The following TMEM30A variants were observed in gnomAD, a reference collection of about 807,000 sequenced individuals.
TMEM30A encodes cell division cycle 50 P4-ATPase accessory subunit A, also known as cell cycle control protein 50A.
Under a neutral mutation model 38.2 loss-of-function variants are expected in TMEM30A, and 24 were observed. The observed-to-expected ratio is 0.63, with a 90% CI of 0.46 to 0.88. TMEM30A has a LOEUF of 0.88. Ranked by LOEUF, TMEM30A falls within the 40% of genes least tolerant of loss-of-function variation. TMEM30A has a pLI of 0.00. For missense variants in TMEM30A, 370 were observed against 458.6 expected (o/e 0.81, Z 1.77); for synonymous variants, 145 against 161.6 (o/e 0.90, Z 0.78).
chr6:75,284,660 G>C lies in TMEM30A; in HGVS notation c.-22C>G. 1.2e-6 allele frequency: 2 copies of C among 1,609,536 alleles called. No homozygotes were observed. The highest frequency in any genetic ancestry group is 2.2e-5 in the South Asian group (2 of 91,062). ...CCATCGATCCCTGGGGCGCCGCTCC[G>C]CGATTTGCAGGTGGACCACCCAGGG... On this transcript the variant is annotated 5_prime_UTR_variant, in exon 1 of 7. Coordinates refer to ENST00000230461, the MANE Select transcript of TMEM30A (RefSeq NM_018247.4).
intron 1 of TMEM30A, among the ~76,000 whole-genome samples, chr6:75,268,527 T>G (rs553265214): frequency 6.6e-6 from 1 of 152,202 alleles, no homozygotes; most frequent in Non-Finnish European, 1.5e-5. Flanking sequence ...AGCTTTCTGG[T>G]TGGTGAATCC....
chr6:75,258,536 C>G (rs1386775973), intron 6 of TMEM30A, among the ~76,000 whole-genome samples: 1 of 152,100 alleles, frequency 6.6e-6, no homozygotes, highest in Non-Finnish European at 1.5e-5. Flanking sequence ...AAAACAAGCA[C>G]CTATATTTTA....
chr6:75,284,727 T>TGCCGCCGCC lies in TMEM30A; in HGVS notation c.-98_-90dup, dbSNP rs939720541. ...CTGACAGGAACCGCTCGAGCGCCGC[T>TGCCGCCGCC]GCCGCCGCCGCCGCCGCAGCCACCA... On this transcript the variant is annotated 5_prime_UTR_variant, in exon 1 of 7. Transcript: ENST00000230461. 1.3e-5 allele frequency: 18 copies of TGCCGCCGCC among 1,354,920 alleles called. No individual in the cohort carries two copies. The highest frequency in any genetic ancestry group is 1.2e-4 in the East Asian group (5 of 40,334). 83.9% of individuals were successfully genotyped at this position (1,354,920 alleles called of 1,614,324 possible). A position where few individuals can be genotyped will look rare whatever the true frequency, so the allele number is the denominator to read the frequency against.
At chr6:75,260,131 C>T (rs867983859) in intron 4 of TMEM30A, among the ~76,000 whole-genome samples, 4 of 152,088 alleles carry the variant, frequency 2.6e-5, no homozygotes, top group South Asian at 4.1e-4. Flanking sequence ...CCAGGCCAGG[C>T]GCAGTGGCTC....
At chr6:75,267,604 G>A (rs1772091010) in intron 2 of TMEM30A, 37 bp downstream of exon 2, 1 of 1,465,496 alleles carries the variant, frequency 6.8e-7, no homozygotes, top group Non-Finnish European at 9.5e-7. Context: ...ATTTTTTAAA[G>A]CATGGCTTTT....
intron 3 of TMEM30A, among the ~76,000 whole-genome samples, chr6:75,262,273 G>C (rs538931037): frequency 3.7e-4 from 56 of 152,276 alleles, no homozygotes; most frequent in African/African-American, 1.3e-3. Flanking sequence ...CTTGAGTCCA[G>C]GAAGCAAAGG....
In TMEM30A at chr6:75,258,950, TA is replaced by T. The variant is rs745521380; in HGVS notation, c.721del (p.Tyr241ThrfsTer13). ...TKPVNWLKPV[Y>X]MLDSDPDNNG... ...ATTATCTGGGTCAGAATCCAGCATG[TA>T]AACTGGTTTAAGCCAGTTCACAGGC... On this transcript the variant is annotated frameshift_variant, in exon 6 of 7. Coordinates refer to ENST00000230461, the MANE Select transcript of TMEM30A (RefSeq NM_018247.4). LOFTEE classifies it high-confidence loss of function. The T allele has an allele frequency of 6.2e-7, 1 of 1,613,792 alleles. No homozygotes were observed. Among genetic ancestry groups the T allele is most frequent in the Non-Finnish European group, 8.5e-7 (1 of 1,179,942 alleles).
intron 3 of TMEM30A, 74 bp downstream of exon 3, chr6:75,265,157 C>A: frequency 1.1e-6 from 1 of 939,854 alleles, no homozygotes; most frequent in Non-Finnish European, 1.6e-6. Context: ...TTCATCCTAA[C>A]AATTCTAACT....
At chr6:75,268,837 G>A (rs1772115630) in intron 1 of TMEM30A, among the ~76,000 whole-genome samples, 3 of 152,150 alleles carry the variant, frequency 2.0e-5, no homozygotes, top group Non-Finnish European at 4.4e-5. Flanking sequence ...GTCTGAAGTG[G>A]GGGCAGTCTT....
At chr6:75,262,565 C>T (rs931005984) in intron 3 of TMEM30A, among the ~76,000 whole-genome samples, 20 of 151,556 alleles carry the variant, frequency 1.3e-4, no homozygotes, top group African/African-American at 4.1e-4. Flanking sequence ...TTGCTTGAAC[C>T]GGGGAGGCAG....
At position 75,254,234 on chromosome 6, in the gene TMEM30A, A is replaced by T. The variant is rs1462124792; in HGVS notation, c.*1868T>A. The T allele has an allele frequency of 6.6e-6, 1 of 152,042 alleles. No homozygotes were observed. The highest frequency in any genetic ancestry group is 1.5e-5 in the Non-Finnish European group (1 of 67,988). 9.4% of individuals were successfully genotyped at this position (152,042 alleles called of 1,614,324 possible). A position where few individuals can be genotyped will look rare whatever the true frequency, so the allele number is the denominator to read the frequency against. ...TCTTTAGCGACATCCTCTGTGCCCC[A>T]GTTAGAAAAAGAGTTGCAGGATGGT... On this transcript the variant is annotated 3_prime_UTR_variant, in exon 7 of 7. Transcript: ENST00000230461.
intron 1 of TMEM30A, among the ~76,000 whole-genome samples, chr6:75,273,298 T>A (rs1016428779): frequency 6.6e-6 from 1 of 152,110 alleles, no homozygotes; most frequent in Non-Finnish European, 1.5e-5. Context: ...AATATTTGCA[T>A]ATAAACAGAT....
At chr6:75,266,377 T>G (rs1402696361) in intron 2 of TMEM30A, among the ~76,000 whole-genome samples, 1 of 152,140 alleles carries the variant, frequency 6.6e-6, no homozygotes, top group Non-Finnish European at 1.5e-5. Context: ...AATATCAAAA[T>G]TACATCACAG....
intron 1 of TMEM30A, among the ~76,000 whole-genome samples, chr6:75,268,924 T>G (rs994006427): frequency 6.6e-6 from 1 of 152,224 alleles, no homozygotes; most frequent in Non-Finnish European, 1.5e-5. Flanking sequence ...AATTGCAGTA[T>G]ACTGGTTGAT....
At chr6:75,283,726 C>T (rs553400389) in intron 1 of TMEM30A, among the ~76,000 whole-genome samples, 2 of 151,698 alleles carry the variant, frequency 1.3e-5, no homozygotes, top group East Asian at 3.9e-4. Context: ...TAAACGTAGC[C>T]TAAAAGCAAA....
intron 1 of TMEM30A, among the ~76,000 whole-genome samples, chr6:75,271,961 T>C (rs566104661): frequency 1.8e-4 from 28 of 151,944 alleles, no homozygotes; most frequent in Middle Eastern, 6.8e-3. Context: ...AAAAGAAAGA[T>C]GGAAAAGAGA....
At chr6:75,269,489 G>T (rs1351140775) in intron 1 of TMEM30A, among the ~76,000 whole-genome samples, 1 of 152,062 alleles carries the variant, frequency 6.6e-6, no homozygotes, top group African/African-American at 2.4e-5. Flanking sequence ...TTTATTTTTA[G>T]CAATAAATAA....
Position 75,261,941 on chromosome 6 carries a change from C to T in TMEM30A, c.454-1030G>A, listed in dbSNP as rs73747455. ...ACAATAGGGCAAATATATCTGCTAG[C>T]CACTAAATTCTTAAGGAAGTTTTAA... On this transcript the variant is annotated intron_variant, in intron 3 of 6. Coordinates refer to ENST00000230461, the MANE Select transcript of TMEM30A (RefSeq NM_018247.4). Among the ~76,000 whole-genome samples the T allele has an allele frequency of 7.8e-3, 1,194 of 152,248 alleles. 15 individuals carry two copies. The highest frequency in any genetic ancestry group is 0.027 in the African/African-American group (1,142 of 41,536).
intron 1 of TMEM30A, among the ~76,000 whole-genome samples, chr6:75,273,587 G>A (rs1772212611): frequency 6.6e-6 from 1 of 152,076 alleles, no homozygotes. Context: ...TACAGGGAGA[G>A]AGTACAAAGA....
Sources: gnomAD v4.1 joint callset for allele counts (sites outside exome capture counted in the v4.1 genomes callset) on GRCh38, gnomAD v4.1.1 for gene constraint, MANE v1.5 for transcripts, NCBI Gene and HGNC (gene_info 2026-07-23, HGNC 2026-07-21) for gene names.